Variants in CNTNAP5 observed in about 807,000 individuals in gnomAD.
CNTNAP5 encodes contactin associated protein family member 5.
A neutral mutation model predicts 150.2 loss-of-function variants in CNTNAP5; 72 were observed. That is an observed-to-expected ratio of 0.48 (90% CI 0.40 to 0.58). CNTNAP5 has a LOEUF of 0.58. CNTNAP5 is among the 20% of genes least tolerant of loss of function. The pLI is 0.00. For missense variants in CNTNAP5, 1,636 were observed against 1,626.2 expected, an observed-to-expected ratio of 1.01 and a Z score of -0.10; for synonymous variants, 672 against 619.8, an observed-to-expected ratio of 1.08 and a Z score of -1.25.
At chr2:124,118,192 A>G (rs1054740122) in intron 1 of CNTNAP5, among the ~76,000 whole-genome samples, 10 of 152,150 alleles carry the variant, frequency 6.6e-5, no homozygotes, top group Non-Finnish European at 1.3e-4. Context: ...ATCTTTTTAT[A>G]TATTTGTGTT....
At chr2:124,669,315 G>A (rs1678762113) in intron 13 of CNTNAP5, among the ~76,000 whole-genome samples, 1 of 152,186 alleles carries the variant, frequency 6.6e-6, no homozygotes, top group Admixed American at 6.5e-5. Context: ...GGCAATACTA[G>A]GAGATCATTT....
chr2:124,774,688 A>G (rs887700036), intron 17 of CNTNAP5, among the ~76,000 whole-genome samples: 4 of 152,184 alleles, frequency 2.6e-5, no homozygotes, highest in Admixed American at 2.0e-4. Context: ...AGTGTTTCAC[A>G]ATTTTCATAA....
intron 12 of CNTNAP5, among the ~76,000 whole-genome samples, chr2:124,631,198 G>A (rs936258355): frequency 1.5e-4 from 23 of 151,768 alleles, no homozygotes; most frequent in Middle Eastern, 3.2e-3. Context: ...TACCATTGAC[G>A]TTCTTCACAA....
chr2:124,492,881 A>AT (rs924949147), intron 7 of CNTNAP5, among the ~76,000 whole-genome samples: 7 of 152,046 alleles, frequency 4.6e-5, no homozygotes, highest in South Asian at 2.1e-4. Context: ...AGTCCTTATG[A>AT]TTTTTTAATA....
intron 2 of CNTNAP5, among the ~76,000 whole-genome samples, chr2:124,228,043 A>G (rs1487874421): frequency 3.3e-5 from 5 of 152,046 alleles, no homozygotes; most frequent in Admixed American, 6.6e-5. Context: ...TAAGCTGGAG[A>G]AGAGGGAGGC....
intron 3 of CNTNAP5, among the ~76,000 whole-genome samples, chr2:124,283,959 G>C (rs1376380135): frequency 6.6e-6 from 1 of 152,170 alleles, no homozygotes; most frequent in African/African-American, 2.4e-5. Flanking sequence ...TGTCAGTACT[G>C]GGGTAGGGAA....
At chr2:124,901,738 AT>A (rs1328947801) in intron 21 of CNTNAP5, among the ~76,000 whole-genome samples, 5 of 152,140 alleles carry the variant, frequency 3.3e-5, no homozygotes, top group Non-Finnish European at 5.9e-5. Flanking sequence ...ACACGATTTG[AT>A]TTTTTTATGT....
At chr2:124,133,734 C>G (rs1287080518) in intron 1 of CNTNAP5, among the ~76,000 whole-genome samples, 2 of 152,126 alleles carry the variant, frequency 1.3e-5, no homozygotes, top group African/African-American at 2.4e-5. Flanking sequence ...TATCAGACCC[C>G]TGACATGGTG....
At chr2:124,581,801 C>T (rs1467577495) in intron 11 of CNTNAP5, among the ~76,000 whole-genome samples, 2 of 152,096 alleles carry the variant, frequency 1.3e-5, no homozygotes, top group African/African-American at 4.8e-5. Flanking sequence ...GAAAGAAATC[C>T]TATTGTATAT....
intron 3 of CNTNAP5, among the ~76,000 whole-genome samples, chr2:124,387,139 TG>T (rs1690950454): frequency 6.6e-6 from 1 of 152,260 alleles, no homozygotes; most frequent in Non-Finnish European, 1.5e-5. Flanking sequence ...TTATGGTATT[TG>T]GTTATAGCAA....
intron 14 of CNTNAP5, among the ~76,000 whole-genome samples, chr2:124,756,485 T>A (rs1358208427): frequency 6.6e-6 from 1 of 152,172 alleles, no homozygotes; most frequent in African/African-American, 2.4e-5. Context: ...GCAGCACTAT[T>A]CTCTATAGCA....
chr2:124,042,699 C>T lies in CNTNAP5; in HGVS notation c.82+16967C>T, dbSNP rs989385337. ...CAGGGTGCATGTGCTATAATGCAAT[C>T]ACTGAAGTCTGTTTATAGTAAAGCA... is the stretch of plus-strand genomic sequence containing the variant. On this transcript the variant is annotated intron_variant, in intron 1 of 23. Coordinates refer to ENST00000682447, the MANE Select transcript of CNTNAP5 (RefSeq NM_001367498.1). Among the ~76,000 whole-genome samples the T allele has an allele frequency of 3.3e-5, 5 of 152,200 alleles. No individual in the cohort carries two copies. The East Asian group carries it at 9.6e-4, about 29-fold the overall frequency.
chr2:124,164,436 A>T (rs763304323), intron 1 of CNTNAP5, among the ~76,000 whole-genome samples: 5 of 152,216 alleles, frequency 3.3e-5, no homozygotes, highest in African/African-American at 7.2e-5. Flanking sequence ...AAAGAGAGAA[A>T]TAAACCCAGC....
intron 13 of CNTNAP5, among the ~76,000 whole-genome samples, chr2:124,670,186 T>A (rs1156681086): frequency 2.8e-5 from 4 of 144,576 alleles, no homozygotes; most frequent in African/African-American, 1.1e-4. Context: ...CCTCCCTCTC[T>A]TTCTCTTTCT....
chr2:124,834,361 T>C (rs972373847), intron 19 of CNTNAP5, among the ~76,000 whole-genome samples: 3 of 140,260 alleles, frequency 2.1e-5, no homozygotes, highest in African/African-American at 8.3e-5. Flanking sequence ...AGACAATTGA[T>C]TCTGTTATTT....
chr2:124,408,544 G>C (rs1034551016), intron 3 of CNTNAP5, among the ~76,000 whole-genome samples: 116 of 151,994 alleles, frequency 7.6e-4, no homozygotes, highest in Middle Eastern at 6.8e-3. Context: ...TCTGAGAACG[G>C]GCAGACTGCC....
intron 10 of CNTNAP5, among the ~76,000 whole-genome samples, chr2:124,542,270 C>T (rs1301402040): frequency 1.3e-5 from 2 of 149,304 alleles, no homozygotes; most frequent in Admixed American, 1.4e-4. Context: ...ATCATTCCAT[C>T]TGTGTGCATT....
chr2:124,042,213 A>T (rs75020219), intron 1 of CNTNAP5, among the ~76,000 whole-genome samples: 14,315 of 152,232 alleles, frequency 0.094, 775 homozygotes, highest in East Asian at 0.29. Context: ...TTATAGAGAG[A>T]TATATAAAAT....
intron 19 of CNTNAP5, among the ~76,000 whole-genome samples, chr2:124,840,522 A>G (rs551711389): frequency 1.3e-5 from 2 of 152,232 alleles, no homozygotes; most frequent in South Asian, 2.1e-4. Flanking sequence ...GACAGTATGC[A>G]TTTAGTAAGA....
Sources: allele counts gnomAD v4.1 joint callset (sites outside exome capture counted in the v4.1 genomes callset), GRCh38; gene constraint gnomAD v4.1.1; transcripts MANE v1.5; gene names NCBI Gene and HGNC (gene_info 2026-07-23, HGNC 2026-07-21).